DBR1: variants seen among roughly 807,000 people sequenced by gnomAD.
DBR1 encodes the protein lariat debranching enzyme.
Under a neutral mutation model 45.9 loss-of-function variants are expected in DBR1, and 33 were observed. The observed-to-expected ratio is 0.72, with a 90% CI of 0.55 to 0.96. The LOEUF (loss-of-function observed/expected upper bound fraction) is 0.96. Ranked by LOEUF, DBR1 falls within the 40% of genes least tolerant of loss-of-function variation. The pLI, the probability that DBR1 is intolerant of heterozygous loss-of-function variation, is 0.00. For synonymous variants in DBR1, 235 were observed against 235.9 expected (o/e 1.00, Z 0.04); for missense variants, 619 against 667.4 (o/e 0.93, Z 0.80).
rs1283862389 is a variant in DBR1 at position 138,161,919 on chromosome 3, T to TA, written c.1604_1605insT (p.Val536SerfsTer3). 1 of 1,613,614 alleles carries TA rather than the reference T, an allele frequency of 6.2e-7. No individual in the cohort carries two copies. Among genetic ancestry groups the TA allele is most frequent in the African/African-American group, 1.3e-5 (1 of 74,914 alleles). ...CTGCATCGTCATCATCATCATCCAC[T>TA]GCAGCGTAAATGGCTTGATTCCTCC... is the stretch of plus-strand genomic sequence containing the variant. On this transcript the variant is annotated frameshift_variant, in exon 8 of 8. Transcript: ENST00000260803. LOFTEE classifies it high-confidence loss of function.
intron 5 of DBR1, among the ~76,000 whole-genome samples, chr3:138,165,922 C>T (rs1057504951): frequency 6.6e-6 from 1 of 152,218 alleles, no homozygotes; most frequent in African/African-American, 2.4e-5. Context: ...AGTAACCTCT[C>T]CTTCTCCCAG....
intron 4 of DBR1, among the ~76,000 whole-genome samples, chr3:138,168,008 C>T (rs1227875084): frequency 1.3e-5 from 2 of 151,810 alleles, no homozygotes; most frequent in African/African-American, 2.4e-5. Context: ...CTAGATTTCA[C>T]GAGACCTCTA....
chr3:138,168,648 T>C (rs2042941122), intron 4 of DBR1, among the ~76,000 whole-genome samples: 1 of 150,968 alleles, frequency 6.6e-6, no homozygotes, highest in South Asian at 2.1e-4. Context: ...ACTAGGGTAA[T>C]GACTCTAAAC....
chr3:138,173,377 T>G (rs866804314), intron 2 of DBR1, 125 bp downstream of exon 2: 10 of 932,630 alleles, frequency 1.1e-5, no homozygotes, highest in African/African-American at 1.7e-5. Flanking sequence ...ATTTTCACGA[T>G]TAAGTATTTA....
chr3:138,165,239 A>G (rs1184343289), intron 5 of DBR1, among the ~76,000 whole-genome samples: 4 of 152,128 alleles, frequency 2.6e-5, no homozygotes. Context: ...GTACAAGTTG[A>G]GTATGCCTTA....
intron 3 of DBR1, chr3:138,171,210 G>C (rs1026465005): frequency 6.6e-6 from 1 of 152,494 alleles, no homozygotes; most frequent in African/African-American, 2.4e-5. Context: ...GGTAGCTTAC[G>C]CCTGTAATCC....
chr3:138,171,780 T>C, intron 2 of DBR1, 67 bp from the exon 3 acceptor site: 1 of 1,157,180 alleles, frequency 8.6e-7, no homozygotes, highest in Non-Finnish European at 1.3e-6. Flanking sequence ...GAATAAACCA[T>C]TCCATTTAGA....
In DBR1 at chr3:138,167,227, G is replaced by T. The variant is rs767237454; in HGVS notation, c.568C>A (p.Leu190Ile). The change falls in exon 5 of 8, where the codon CTT (leucine) becomes ATT (isoleucine). Residue 190 changes from leucine to isoleucine, a missense_variant. By Grantham distance (5) the Leu-to-Ile change is conservative. This residue lies in a region of DBR1 where 430 missense variants were observed against 447.7 expected (regional missense o/e 0.96). Transcript: ENST00000260803. ...IYHYGNKKQL[L>I]KTKSFFRQEV... ...TGTCGGAAAAAAGATTTAGTCTTAA[G>T]AAGTTGCTTCTTATTTCCATAATGA... is the stretch of plus-strand genomic sequence containing the variant. 1.2e-6 allele frequency: 2 copies of T among 1,613,956 alleles called. No homozygotes were observed. The highest frequency in any genetic ancestry group is 2.2e-5 in the South Asian group (2 of 91,044).
rs2042972853 is a variant in DBR1, at chr3:138,174,893, A to C, written c.-98T>G. The C allele has an allele frequency of 8.5e-7, 1 of 1,170,932 alleles. No individual in the cohort carries two copies. Among genetic ancestry groups the C allele is most frequent in the African/African-American group, 1.5e-5 (1 of 65,200 alleles). 72.5% of individuals were successfully genotyped at this position (1,170,932 alleles called of 1,614,324 possible). On this transcript the variant is annotated 5_prime_UTR_variant, in exon 1 of 8. Coordinates refer to ENST00000260803, the MANE Select transcript of DBR1 (RefSeq NM_016216.4). ...TCAGCTCCCGCCAACTTTAATAAGT[A>C]TAGCCACCGCCTGGGTGTAGACTCC...
intron 1 of DBR1, among the ~76,000 whole-genome samples, chr3:138,173,875 A>G (rs939359583): frequency 6.6e-6 from 1 of 151,922 alleles, no homozygotes; most frequent in African/African-American, 2.4e-5. Context: ...CGTCTCTACT[A>G]AAAATGCAAA....
rs1489993508 is a variant in DBR1, at chr3:138,174,810, G to C, written c.-15C>G. 6.2e-7 allele frequency: 1 copy of C among 1,607,062 alleles called. No individual in the cohort carries two copies. The highest frequency in any genetic ancestry group is 1.3e-5 in the African/African-American group (1 of 74,980). ...GCCACCCGCATTCTGCCGGCCTGAG[G>C]AGGTGAGCGCTGCCTGCAACGCCCT... On this transcript the variant is annotated 5_prime_UTR_variant, in exon 1 of 8. Coordinates refer to ENST00000260803, the MANE Select transcript of DBR1 (RefSeq NM_016216.4).
chr3:138,173,066 T>TA, intron 2 of DBR1, among the ~76,000 whole-genome samples: 1 of 145,054 alleles, frequency 6.9e-6, no homozygotes, highest in South Asian at 2.2e-4. Context: ...TTGCTTTAAA[T>TA]ACTCTAGTCA....
At chr3:138,172,436 A>G (rs1407860263) in intron 2 of DBR1, among the ~76,000 whole-genome samples, 1 of 152,076 alleles carries the variant, frequency 6.6e-6, no homozygotes. Context: ...AATACAAAAA[A>G]ACAAAAAAAT....
chr3:138,167,368 C>T (rs1242504692), intron 4 of DBR1, 63 bp from the exon 5 acceptor site: 3 of 1,080,770 alleles, frequency 2.8e-6, no homozygotes, highest in East Asian at 4.9e-5. Context: ...AAACAATCCC[C>T]TCCCTTCTCT....
chr3:138,169,247 GT>G (rs2042944151), intron 4 of DBR1, among the ~76,000 whole-genome samples: 1 of 152,204 alleles, frequency 6.6e-6, no homozygotes, highest in Non-Finnish European at 1.5e-5. Context: ...AAGGGATGAA[GT>G]TAAGAGTTAC....
Position 138,174,703 on chromosome 3 carries a change from G to A in DBR1, c.93C>T (p.Val31=), listed in dbSNP as rs944542618. ...ALAERRGPGP[V]DLLLCCGDFQ... ...AGTCGCCGCAGCACAGCAAGAGGTC[G>A]ACAGGCCCCGGGCCGCGCCGCTCTG... The change falls in exon 1 of 8, where the codon GTC becomes GTT. Residue 31 remains valine (V), a synonymous_variant. Transcript: ENST00000260803. 1.4e-5 allele frequency: 22 copies of A among 1,612,666 alleles called. No homozygotes were observed. The highest frequency in any genetic ancestry group is 1.6e-5 in the Non-Finnish European group (19 of 1,179,632).
chr3:138,174,578 CG>C lies in DBR1; in HGVS notation c.197+20del. On this transcript the variant is annotated intron_variant, in intron 1 of 7. Transcript: ENST00000260803. ...AGTCCCACCCCCCCACCGCCAAGTC[CG>C]GGCCCGGCCGCGTCCTCACCTGTAG... 1 of 1,579,576 alleles carries C rather than the reference CG, an allele frequency of 6.3e-7. No homozygotes were observed. The highest frequency in any genetic ancestry group is 8.6e-7 in the Non-Finnish European group (1 of 1,159,704).
intron 5 of DBR1, among the ~76,000 whole-genome samples, chr3:138,164,389 G>A (rs1210710081): frequency 2.6e-5 from 4 of 152,142 alleles, no homozygotes; most frequent in Non-Finnish European, 4.4e-5. Flanking sequence ...TCAAGCAAAC[G>A]AAAGAAATCA....
chr3:138,173,257 A>G (rs924981309), intron 2 of DBR1, among the ~76,000 whole-genome samples: 4 of 152,172 alleles, frequency 2.6e-5, no homozygotes, highest in Admixed American at 6.6e-5. Context: ...AAATGAAGGG[A>G]CTACAAATAG....
Sources: allele counts gnomAD v4.1 joint callset (sites outside exome capture counted in the v4.1 genomes callset), GRCh38; gene constraint gnomAD v4.1.1; regional missense constraint gnomAD v4.1.1; transcripts MANE v1.5; gene names NCBI Gene and HGNC (gene_info 2026-07-23, HGNC 2026-07-21).